CNTN4: variants seen among roughly 807,000 people sequenced by gnomAD.
CNTN4 encodes the protein contactin 4.
A neutral mutation model predicts 122.5 loss-of-function variants in CNTN4; 77 were observed. That is an observed-to-expected ratio of 0.63 (90% CI 0.52 to 0.76). The LOEUF (loss-of-function observed/expected upper bound fraction) is 0.76. Among genes scored for constraint, CNTN4 ranks in the 30% least tolerant of loss-of-function variants. The pLI is 0.00. For missense variants in CNTN4, 1,256 were observed against 1,259.1 expected (o/e 1.00, Z 0.04); for synonymous variants, 512 against 447.0 (o/e 1.15, Z -1.83).
chr3:2,442,129 G>A (rs1459352015), intron 3 of CNTN4, among the ~76,000 whole-genome samples: 2 of 152,066 alleles, frequency 1.3e-5, no homozygotes, highest in African/African-American at 4.8e-5. Context: ...TATAAAATGG[G>A]AATTTAGTAT....
At chr3:2,641,334 C>A (rs1414874406) in intron 4 of CNTN4, among the ~76,000 whole-genome samples, 1 of 152,014 alleles carries the variant, frequency 6.6e-6, no homozygotes, top group Non-Finnish European at 1.5e-5. Context: ...TGAAACTTCC[C>A]AGGGAGTACA....
chr3:2,796,913 A>C (rs1413829232), intron 6 of CNTN4, among the ~76,000 whole-genome samples: 1 of 152,102 alleles, frequency 6.6e-6, no homozygotes, highest in African/African-American at 2.4e-5. Context: ...CCCCACCCCT[A>C]CTTCATACTC....
At chr3:2,473,590 C>T (rs1224598184) in intron 3 of CNTN4, among the ~76,000 whole-genome samples, 3 of 152,112 alleles carry the variant, frequency 2.0e-5, no homozygotes, top group Admixed American at 2.0e-4. Flanking sequence ...TTGAATTGCA[C>T]CAATTTTAGA....
At chr3:2,416,882 C>T (rs2151077509) in intron 3 of CNTN4, among the ~76,000 whole-genome samples, 1 of 152,098 alleles carries the variant, frequency 6.6e-6, no homozygotes, top group South Asian at 2.1e-4. Context: ...CCTCGAGCTC[C>T]TGACCTTGTG....
At chr3:2,884,656 T>C (rs1249288039) in intron 9 of CNTN4, among the ~76,000 whole-genome samples, 1 of 152,182 alleles carries the variant, frequency 6.6e-6, no homozygotes, top group East Asian at 1.9e-4. Flanking sequence ...TTTATATATA[T>C]GAAATTAAAG....
chr3:2,583,682 T>C (rs1295498011), intron 4 of CNTN4, among the ~76,000 whole-genome samples: 1 of 152,192 alleles, frequency 6.6e-6, no homozygotes, highest in East Asian at 1.9e-4. Context: ...CCTCAGAAAA[T>C]ATTTACGCAT....
chr3:2,371,521 G>A (rs1185472353), intron 3 of CNTN4, among the ~76,000 whole-genome samples: 2 of 152,046 alleles, frequency 1.3e-5, no homozygotes, highest in Admixed American at 6.6e-5. Flanking sequence ...GATTTTGTCC[G>A]TATCGTTCAA....
chr3:2,851,107 C>T (rs566994505), intron 7 of CNTN4, among the ~76,000 whole-genome samples: 1 of 152,258 alleles, frequency 6.6e-6, no homozygotes, highest in South Asian at 2.1e-4. Context: ...TATTGTTTTG[C>T]CACTATTACA....
intron 10 of CNTN4, among the ~76,000 whole-genome samples, chr3:2,900,353 GA>G (rs1251364403): frequency 6.6e-6 from 1 of 152,168 alleles, no homozygotes; most frequent in African/African-American, 2.4e-5. Context: ...TTAAAAGTGG[GA>G]GGGGGGGTGA....
intron 3 of CNTN4, among the ~76,000 whole-genome samples, chr3:2,558,088 A>G (rs768561924): frequency 2.6e-5 from 4 of 152,352 alleles, no homozygotes; most frequent in Non-Finnish European, 5.9e-5. Context: ...TTTTCAAGCT[A>G]GAAAATTATT....
intron 4 of CNTN4, among the ~76,000 whole-genome samples, chr3:2,660,011 T>C (rs1226904829): frequency 6.6e-6 from 1 of 152,198 alleles, no homozygotes; most frequent in African/African-American, 2.4e-5. Context: ...TAAAATAGCA[T>C]GACGATCTGA....
At chr3:2,485,822 A>G (rs143266563) in intron 3 of CNTN4, among the ~76,000 whole-genome samples, 365 of 152,232 alleles carry the variant, frequency 2.4e-3, no homozygotes, top group African/African-American at 8.4e-3. Flanking sequence ...AGGGATTATA[A>G]ACGCACCAGT....
Position 2,960,920 on chromosome 3 carries a change from T to C in CNTN4, c.1359-27425T>C, listed in dbSNP as rs112672143. Reference sequence around the variant, plus strand: ...CTTGCGGCTTTTCAAATCGTTTCGCTACCATGCGAACAAGATAAAGGCCTA... The same window carrying C: ...CTTGCGGCTTTTCAAATCGTTTCGCCACCATGCGAACAAGATAAAGGCCTA... On this transcript the variant is annotated intron_variant, in intron 13 of 24. Transcript: ENST00000418658. 2.6e-3 allele frequency among the ~76,000 whole-genome samples: 403 copies of C among 152,190 alleles called. 2 individuals are homozygous for C. The highest frequency in any genetic ancestry group is 3.8e-3 in the Admixed American group (58 of 15,300).
At chr3:2,456,147 G>A (rs1392560638) in intron 3 of CNTN4, among the ~76,000 whole-genome samples, 1 of 152,002 alleles carries the variant, frequency 6.6e-6, no homozygotes, top group Non-Finnish European at 1.5e-5. Flanking sequence ...CTGAGTTCAA[G>A]CCTTCCTGAA....
At chr3:2,927,110 A>G (rs2094480137) in intron 13 of CNTN4, among the ~76,000 whole-genome samples, 2 of 151,110 alleles carry the variant, frequency 1.3e-5, no homozygotes. Context: ...GCTACATTTT[A>G]AAAGTTTTAA....
At chr3:2,590,974 A>G (rs1039886425) in intron 4 of CNTN4, among the ~76,000 whole-genome samples, 12 of 152,328 alleles carry the variant, frequency 7.9e-5, no homozygotes, top group Admixed American at 1.3e-4. Context: ...CTGTGAAATC[A>G]TCATCAATAT....
chr3:2,834,898 C>CTTTTTTTTTTTTTTTTTTTA, intron 7 of CNTN4, among the ~76,000 whole-genome samples: 1 of 60,450 alleles, frequency 1.7e-5, no homozygotes, highest in Non-Finnish European at 2.7e-5. Flanking sequence ...TAAAGGCAAC[C>CTTTTTTTTTTTTTTTTTTTA]TTTTTTTTTT....
chr3:2,426,343 T>C (rs2047832159), intron 3 of CNTN4, among the ~76,000 whole-genome samples: 1 of 152,190 alleles, frequency 6.6e-6, no homozygotes, highest in Non-Finnish European at 1.5e-5. Context: ...TTTTTGTCCT[T>C]GTTTCTTTTT....
intron 14 of CNTN4, among the ~76,000 whole-genome samples, chr3:3,007,536 A>G (rs1696778895): frequency 6.6e-6 from 1 of 152,256 alleles, no homozygotes; most frequent in Admixed American, 6.5e-5. Context: ...TCATTTTTCA[A>G]ATAACCTGTT....
Sources: gnomAD v4.1 joint callset for allele counts (sites outside exome capture counted in the v4.1 genomes callset) on GRCh38, gnomAD v4.1.1 for gene constraint, MANE v1.5 for transcripts, NCBI Gene and HGNC (gene_info 2026-07-23, HGNC 2026-07-21) for gene names.